Variants in PITPNM3 observed in about 807,000 individuals in gnomAD.
PITPNM3 encodes the protein membrane-associated phosphatidylinositol transfer protein 3.
A neutral mutation model predicts 102.0 loss-of-function variants in PITPNM3; 26 were observed. The observed-to-expected ratio is 0.25, with a 90% confidence interval of 0.19 to 0.35. The LOEUF (loss-of-function observed/expected upper bound fraction) is 0.35. Ranked by LOEUF, PITPNM3 falls within the 10% of genes least tolerant of loss-of-function variation. PITPNM3 has a pLI of 1.00. For missense variants in PITPNM3, 1,083 were observed against 1,346.1 expected, an observed-to-expected ratio of 0.80 and a Z score of 3.06; for synonymous variants, 578 against 558.6, an observed-to-expected ratio of 1.03 and a Z score of -0.49.
chr17:6,532,055 G>A (rs1055694229), intron 2 of PITPNM3, among the ~76,000 whole-genome samples: 15 of 151,894 alleles, frequency 9.9e-5, no homozygotes, highest in African/African-American at 2.7e-4. Flanking sequence ...GCAGTGAGCC[G>A]AGACTGTGCC....
rs759296731 is a variant in PITPNM3, at chr17:6,455,641, G to T, written c.2622C>A (p.Phe874Leu). 15 of 1,551,098 alleles carry T rather than the reference G, an allele frequency of 9.7e-6. No individual in the cohort carries two copies. Among genetic ancestry groups the T allele is most frequent in the Non-Finnish European group, 1.3e-5 (15 of 1,158,916 alleles). ...GGTGTGCGGCGTAGCCCTCGCTCAGGAACTGCGGAGGGCAGGGGAGGGCAG... is the reference window on the plus strand; with the variant it reads ...GGTGTGCGGCGTAGCCCTCGCTCAGTAACTGCGGAGGGCAGGGGAGGGCAG... Reference protein sequence around the residue: ...PTKKYQTQCQFLSEGYAAHLA... With the variant: ...PTKKYQTQCQLLSEGYAAHLA... Residue 874 changes from phenylalanine to leucine, a missense_variant and splice_region_variant, in exon 20 of 20, where the codon TTC becomes TTA. Phe to Leu is a conservative substitution (Grantham distance 22). Transcript: ENST00000262483.
intron 9 of PITPNM3, among the ~76,000 whole-genome samples, chr17:6,475,131 T>C (rs943636636): frequency 3.9e-4 from 59 of 152,214 alleles, no homozygotes; most frequent in African/African-American, 1.4e-3. Context: ...TCTGTTCTGC[T>C]GGGATCAGGG....
rs377741236 is a variant in PITPNM3, at chr17:6,525,384, C to T, written c.198G>A (p.Glu66=). 2.5e-5 allele frequency: 40 copies of T among 1,614,094 alleles called. No homozygotes were observed. Among genetic ancestry groups the T allele is most frequent in the Non-Finnish European group, 3.1e-5 (37 of 1,180,032 alleles). Residue 66 remains glutamate (E), a synonymous_variant, in exon 3 of 20, where the codon GAG becomes GAA. Transcript: ENST00000262483. ...WNSNDLVEQI[E]TMGKLDEHQG... The stretch of plus-strand genomic sequence containing the variant: ...GATGCTCGTCCAGTTTCCCCATGGT[C>T]TCGATCTGCTCCACGAGGTCATTGG...
intron 3 of PITPNM3, among the ~76,000 whole-genome samples, chr17:6,507,145 G>C (rs1907575489): frequency 6.6e-6 from 1 of 152,148 alleles, no homozygotes; most frequent in Non-Finnish European, 1.5e-5. Context: ...AAAGCTGGGT[G>C]GGGGTGGGGC....
chr17:6,484,236 C>G lies in PITPNM3; in HGVS notation c.331G>C (p.Glu111Gln), dbSNP rs868089384. The change falls in exon 5 of 20, where the codon GAG becomes CAG. Residue 111 changes from glutamate (E) to glutamine (Q), a missense_variant. Coordinates refer to ENST00000262483, the MANE Select transcript of PITPNM3 (RefSeq NM_031220.4). The part of the protein sequence containing the change: ...RQRFPAQGSI[E>Q]IHEDSEEGCP... ...CCTACCTCGCTGTCTTCGTGGATCT[C>G]GATGCTTCCCTGGGCTGGGAACCTC... is the stretch of plus-strand genomic sequence containing the variant. The G allele has an allele frequency of 6.2e-7, 1 of 1,611,866 alleles. No individual in the cohort carries two copies. Among genetic ancestry groups the G allele is most frequent in the Non-Finnish European group, 8.5e-7 (1 of 1,177,992 alleles).
chr17:6,543,741 A>G (rs1047306515), intron 1 of PITPNM3, among the ~76,000 whole-genome samples: 3 of 152,086 alleles, frequency 2.0e-5, no homozygotes, highest in African/African-American at 7.2e-5. Flanking sequence ...GTGAAATTCC[A>G]CACCCACCAT....
chr17:6,532,101 C>T (rs926411215), intron 2 of PITPNM3, among the ~76,000 whole-genome samples: 9 of 150,484 alleles, frequency 6.0e-5, no homozygotes, highest in South Asian at 2.1e-4. Flanking sequence ...AGTGAAACTC[C>T]GTCTAAAAAA....
At chr17:6,527,348 TATC>T (rs1908891234) in intron 2 of PITPNM3, among the ~76,000 whole-genome samples, 1 of 152,190 alleles carries the variant, frequency 6.6e-6, no homozygotes, top group African/African-American at 2.4e-5. Context: ...CTAAAAGTGA[TATC>T]ATCGTAGGGC....
chr17:6,506,666 G>A (rs575160884), intron 3 of PITPNM3, among the ~76,000 whole-genome samples: 2 of 152,244 alleles, frequency 1.3e-5, no homozygotes, highest in East Asian at 1.9e-4. Flanking sequence ...CACCGCGCCC[G>A]GCCAGTGTTT....
intron 1 of PITPNM3, among the ~76,000 whole-genome samples, chr17:6,555,466 C>G (rs943909752): frequency 3.9e-5 from 6 of 152,190 alleles, no homozygotes. Flanking sequence ...GATTCTCACA[C>G]GCCAGCCTCA....
intron 4 of PITPNM3, among the ~76,000 whole-genome samples, chr17:6,496,035 C>T (rs765000571): frequency 2.0e-5 from 3 of 152,156 alleles, no homozygotes; most frequent in Non-Finnish European, 2.9e-5. Flanking sequence ...GCCGGGTCAT[C>T]GTAAGGTGGT....
intron 4 of PITPNM3, among the ~76,000 whole-genome samples, chr17:6,498,613 G>A (rs1274859156): frequency 6.6e-6 from 1 of 152,204 alleles, no homozygotes. Flanking sequence ...GGAGAGAGAA[G>A]ATAGGGCCTC....
Position 6,457,487 on chromosome 17 carries a change from TGGG to T in PITPNM3, c.2619+104_2619+106del. ...TTTGTTGAATAAATGAATGAGCAAA[TGGG>T]GGAATGAACAAATGAATGAATGAAT... is the stretch of plus-strand genomic sequence containing the variant. On this transcript the variant is annotated intron_variant, in intron 19 of 19. Transcript: ENST00000262483. The surrounding 1 kb of genome is among the most constrained non-coding windows in gnomAD (Gnocchi z 4.7). 1 of 1,546,338 alleles carries T rather than the reference TGGG, an allele frequency of 6.5e-7. No individual in the cohort carries two copies. Among genetic ancestry groups the T allele is most frequent in the Non-Finnish European group, 8.8e-7 (1 of 1,134,614 alleles).
At chr17:6,506,595 C>T (rs1907524592) in intron 3 of PITPNM3, among the ~76,000 whole-genome samples, 1 of 152,200 alleles carries the variant, frequency 6.6e-6, no homozygotes, top group Admixed American at 6.5e-5. Context: ...TGGTCTCAGT[C>T]TCTTGACCTG....
chr17:6,492,477 G>A (rs1390119534), intron 4 of PITPNM3, among the ~76,000 whole-genome samples: 1 of 152,200 alleles, frequency 6.6e-6, no homozygotes, highest in Non-Finnish European at 1.5e-5. Context: ...GCTAATGAGG[G>A]AGTATAAAAG....
rs1169364467 is a variant in PITPNM3 at position 6,468,091 on chromosome 17, C to T, written c.1890+134G>A. On this transcript the variant is annotated intron_variant, in intron 14 of 19. Transcript: ENST00000262483. This position sits in a 1 kb window ranked among gnomAD's most constrained non-coding sequence, Gnocchi z 5.2. Reference sequence around the variant, plus strand: ...CCTGGGCTCCATCTGAGTGTGAGCCCCAGCCTGTTTGGGTGCTGAGCTCTG... The same window carrying T: ...CCTGGGCTCCATCTGAGTGTGAGCCTCAGCCTGTTTGGGTGCTGAGCTCTG... 1.6e-5 allele frequency: 14 copies of T among 865,754 alleles called. No homozygotes were observed. The highest frequency in any genetic ancestry group is 1.6e-4 in the Admixed American group (9 of 56,712). The allele number at this position is 865,754 out of a possible 1,614,324, so 53.6% of individuals were successfully genotyped here.
intron 3 of PITPNM3, among the ~76,000 whole-genome samples, chr17:6,522,286 G>GCGCACACACA (rs145090085): frequency 1.8e-3 from 269 of 149,310 alleles, no homozygotes; most frequent in African/African-American, 5.7e-3. Flanking sequence ...TTTAGTGTGC[G>GCGCACACACA]CACACACACA....
At chr17:6,553,690 G>A (rs1413415680) in intron 1 of PITPNM3, among the ~76,000 whole-genome samples, 3 of 152,112 alleles carry the variant, frequency 2.0e-5, no homozygotes, top group African/African-American at 4.8e-5. Flanking sequence ...CACAGGCCGG[G>A]TGCCACAGCC....
In PITPNM3 at chr17:6,483,707, C is replaced by G; in HGVS notation, c.397G>C (p.Val133Leu). 1 of 1,613,964 alleles carries G rather than the reference C, an allele frequency of 6.2e-7. No homozygotes were observed. Among genetic ancestry groups the G allele is most frequent in the Non-Finnish European group, 8.5e-7 (1 of 1,180,016 alleles). ...RSCKTHVLLL[V>L]LHGGNILDTG... is the part of the protein sequence containing the mutation. Reference sequence around the variant, plus strand: ...TCCAGGATGTTTCCCCCATGCAGGACCAGCAGGAGGACATGTGTCTTGCAG... The same window carrying G: ...TCCAGGATGTTTCCCCCATGCAGGAGCAGCAGGAGGACATGTGTCTTGCAG... Residue 133 changes from valine (V) to leucine (L), a missense_variant, in exon 6 of 20, where the codon GTC becomes CTC. Physicochemically the swap from Val to Leu is conservative, Grantham distance 32. Around this residue, in one of 5 missense-constraint regions of PITPNM3, gnomAD observed 290 missense variants for 337.8 expected, o/e 0.86. Transcript: ENST00000262483.
Sources: allele counts gnomAD v4.1 joint callset (sites outside exome capture counted in the v4.1 genomes callset), GRCh38; gene constraint gnomAD v4.1.1; regional missense constraint gnomAD v4.1.1; non-coding constraint Gnocchi (gnomAD v3.1); transcripts MANE v1.5; gene names NCBI Gene and HGNC (gene_info 2026-07-23, HGNC 2026-07-21).